EYS: variants seen among roughly 807,000 people sequenced by gnomAD.
EYS encodes the protein protein eyes shut homolog.
In EYS, 250 loss-of-function variants were observed where a neutral mutation model predicts 282.1. The ratio of observed to expected loss-of-function variants is 0.89; its 90% CI spans 0.80 to 0.98. The LOEUF is 0.98. Ranked by LOEUF, EYS falls within the 50% of genes least tolerant of loss-of-function variation. The pLI is 0.00. For missense variants in EYS, 4,016 were observed against 3,709.0 expected, an observed-to-expected ratio of 1.08 and a Z score of -2.15; for synonymous variants, 1,355 against 1,282.9, an observed-to-expected ratio of 1.06 and a Z score of -1.20.
At chr6:65,404,054 C>CT (rs1766620831) in intron 6 of EYS, among the ~76,000 whole-genome samples, 1 of 152,030 alleles carries the variant, frequency 6.6e-6, no homozygotes, top group Admixed American at 6.6e-5. Flanking sequence ...TTTCAGAAGG[C>CT]TAAAACCAAG....
chr6:64,080,248 A>G (rs1771918056), intron 32 of EYS, among the ~76,000 whole-genome samples: 1 of 152,150 alleles, frequency 6.6e-6, no homozygotes, highest in African/African-American at 2.4e-5. Context: ...AATGATTGCC[A>G]TTCTAACTGG....
intron 40 of EYS, among the ~76,000 whole-genome samples, chr6:63,775,913 T>G (rs1024297240): frequency 6.6e-6 from 1 of 152,206 alleles, no homozygotes; most frequent in Non-Finnish European, 1.5e-5. Flanking sequence ...TATTAAATGA[T>G]GGTCACAAGA....
intron 8 of EYS, among the ~76,000 whole-genome samples, chr6:65,357,443 A>G (rs1764530557): frequency 6.6e-6 from 1 of 151,998 alleles, no homozygotes; most frequent in East Asian, 1.9e-4. Flanking sequence ...TGAATAAACT[A>G]AATGTTTGTC....
intron 15 of EYS, among the ~76,000 whole-genome samples, chr6:64,926,526 C>T (rs926969722): frequency 8.5e-5 from 13 of 152,182 alleles, no homozygotes; most frequent in African/African-American, 2.4e-4. Context: ...GATTGCCCAG[C>T]TTCCCAGTGG....
chr6:64,381,963 A>G (rs1416870356), intron 29 of EYS, among the ~76,000 whole-genome samples: 1 of 152,128 alleles, frequency 6.6e-6, no homozygotes, highest in Non-Finnish European at 1.5e-5. Flanking sequence ...TTATAAGTGT[A>G]TTAATAATAT....
chr6:64,532,266 G>A (rs1764370145), intron 26 of EYS, among the ~76,000 whole-genome samples: 2 of 152,174 alleles, frequency 1.3e-5, no homozygotes, highest in Admixed American at 1.3e-4. Flanking sequence ...CAGATCCCAA[G>A]TCTTGCTGAA....
intron 31 of EYS, among the ~76,000 whole-genome samples, chr6:64,093,983 A>G (rs1582259018): frequency 6.6e-6 from 1 of 152,110 alleles, no homozygotes; most frequent in African/African-American, 2.4e-5. Flanking sequence ...GAATTTTGTC[A>G]AAGACCTTTT....
chr6:65,441,888 G>C (rs17690036), intron 5 of EYS, among the ~76,000 whole-genome samples: 28,161 of 151,916 alleles, frequency 0.19, 3,259 homozygotes, highest in Middle Eastern at 0.3. Context: ...AATGACACAG[G>C]AAGTTCAAGG....
At chr6:63,961,244 C>T (rs911959923) in intron 35 of EYS, among the ~76,000 whole-genome samples, 4 of 152,144 alleles carry the variant, frequency 2.6e-5, no homozygotes, top group Non-Finnish European at 4.4e-5. Flanking sequence ...GTGACTTGCA[C>T]GTATACATCT....
At chr6:64,264,001 C>T (rs746565174) in intron 30 of EYS, among the ~76,000 whole-genome samples, 4 of 152,118 alleles carry the variant, frequency 2.6e-5, no homozygotes, top group Non-Finnish European at 5.9e-5. Flanking sequence ...TCCTTATATT[C>T]CACACCCATG....
intron 2 of EYS, among the ~76,000 whole-genome samples, chr6:65,497,593 T>G (rs1261922158): frequency 6.6e-6 from 1 of 151,990 alleles, no homozygotes; most frequent in Non-Finnish European, 1.5e-5. Flanking sequence ...GGAGCAGCCA[T>G]TCTCAGTAAA....
Position 64,937,826 on chromosome 6 carries a change from C to A in EYS, c.2381+7967G>T, listed in dbSNP as rs1167884739. Reference sequence around the variant, plus strand: ...AAAATATATGTCTGGACATGTATTGCACATGTTTATAGCAGCGTTATTCAT... The same window carrying A: ...AAAATATATGTCTGGACATGTATTGAACATGTTTATAGCAGCGTTATTCAT... On this transcript the variant is annotated intron_variant, in intron 15 of 42. Transcript: ENST00000503581. Among the ~76,000 whole-genome samples the A allele has an allele frequency of 4.0e-5, 6 of 151,526 alleles. No homozygotes were observed. In the Admixed American group the frequency reaches 4.0e-4, roughly 10 times the overall value.
chr6:63,994,024 C>A (rs1213891325), intron 34 of EYS, among the ~76,000 whole-genome samples: 1 of 151,856 alleles, frequency 6.6e-6, no homozygotes, highest in Non-Finnish European at 1.5e-5. Context: ...AAGGGTACCA[C>A]AAATGCATGT....
chr6:64,320,474 A>G (rs1000059853), intron 29 of EYS, among the ~76,000 whole-genome samples: 5 of 151,862 alleles, frequency 3.3e-5, no homozygotes, highest in Admixed American at 2.6e-4. Context: ...TTAAACAAAC[A>G]TAGTTGAGGT....
intron 29 of EYS, among the ~76,000 whole-genome samples, chr6:64,343,763 C>T (rs1003593463): frequency 2.0e-5 from 3 of 152,024 alleles, no homozygotes; most frequent in African/African-American, 7.2e-5. Flanking sequence ...TCAGTGAATC[C>T]AGCAGCTGGT....
chr6:65,298,383 A>G lies in EYS; in HGVS notation c.1767-2264T>C, dbSNP rs564209830. Among the ~76,000 whole-genome samples the G allele has an allele frequency of 2.6e-5, 4 of 152,176 alleles. No individual in the cohort carries two copies. In the East Asian group the frequency reaches 7.7e-4, roughly 29 times the overall value. On this transcript the variant is annotated intron_variant, in intron 11 of 42. Coordinates refer to ENST00000503581, the MANE Select transcript of EYS (RefSeq NM_001142800.2). ...CACCTTTTATTAAGAGGAAGATTTA[A>G]TAGGAGAAAATTTGGGGTAGAAACT...
chr6:65,243,996 C>A (rs1767117599), intron 12 of EYS, among the ~76,000 whole-genome samples: 1 of 152,156 alleles, frequency 6.6e-6, no homozygotes. Flanking sequence ...GATAAGTTCA[C>A]TCTTTATCAT....
intron 12 of EYS, among the ~76,000 whole-genome samples, chr6:65,245,215 T>C (rs1767150016): frequency 6.6e-6 from 1 of 152,156 alleles, no homozygotes; most frequent in South Asian, 2.1e-4. Flanking sequence ...CAAACCAATA[T>C]GTAAATAAAG....
At chr6:64,682,546 T>G (rs1769937553) in intron 22 of EYS, among the ~76,000 whole-genome samples, 1 of 152,054 alleles carries the variant, frequency 6.6e-6, no homozygotes, top group African/African-American at 2.4e-5. Context: ...AGTATGACCT[T>G]CCAGGGGCAG....
Sources: allele counts gnomAD v4.1 joint callset (sites outside exome capture counted in the v4.1 genomes callset), GRCh38; gene constraint gnomAD v4.1.1; transcripts MANE v1.5; gene names NCBI Gene and HGNC (gene_info 2026-07-23, HGNC 2026-07-21).